Variants in MIPOL1 observed in about 807,000 individuals in gnomAD.
MIPOL1 encodes mirror-image polydactyly 1.
In MIPOL1, 57 loss-of-function variants were observed where a neutral mutation model predicts 60.9. That is an observed-to-expected ratio of 0.94 (90% confidence interval 0.76 to 1.17). The LOEUF is 1.17. MIPOL1 is among the 50% of genes most tolerant of loss of function. The pLI, the probability that MIPOL1 is intolerant of heterozygous loss-of-function variation, is 0.00. For synonymous variants in MIPOL1, 179 were observed against 168.8 expected (o/e 1.06, Z -0.47); for missense variants, 551 against 511.6 (o/e 1.08, Z -0.74).
chr14:37,492,868 G>A (rs1447260551), intron 11 of MIPOL1, among the ~76,000 whole-genome samples: 1 of 151,166 alleles, frequency 6.6e-6, no homozygotes, highest in Admixed American at 6.6e-5. Context: ...CACCCTCCCC[G>A]CCACCCCCAC....
Position 37,422,847 on chromosome 14 carries a change from A to T in MIPOL1, c.937-8A>T. 6.4e-7 allele frequency: 1 copy of T among 1,573,168 alleles called. No homozygotes were observed. Among genetic ancestry groups the T allele is most frequent in the Non-Finnish European group, 8.7e-7 (1 of 1,151,532 alleles). On this transcript the variant is annotated splice_region_variant and splice_polypyrimidine_tract_variant and intron_variant, in intron 10 of 12. Transcript: ENST00000684589. ...TACTGAATTTCTTAAAATATTAATT[A>T]CTTTTAGGCAAAGTTGTTATCTATG...
chr14:37,350,223 T>C (rs1229790671), intron 9 of MIPOL1, among the ~76,000 whole-genome samples: 1 of 152,070 alleles, frequency 6.6e-6, no homozygotes, highest in East Asian at 1.9e-4. Flanking sequence ...AGGTGAAAGA[T>C]TCCATGCCTG....
chr14:37,528,065 A>T (rs748077892), intron 12 of MIPOL1, among the ~76,000 whole-genome samples: 2 of 152,060 alleles, frequency 1.3e-5, no homozygotes, highest in South Asian at 4.1e-4. Context: ...AAATATTAAT[A>T]TCTTTTTGAT....
At chr14:37,303,388 A>G (rs542794534) in intron 7 of MIPOL1, among the ~76,000 whole-genome samples, 6 of 151,980 alleles carry the variant, frequency 3.9e-5, no homozygotes, top group African/African-American at 1.2e-4. Flanking sequence ...CAGTGTTACA[A>G]CCATCTGCCT....
At chr14:37,363,437 G>A (rs2092356428) in intron 9 of MIPOL1, among the ~76,000 whole-genome samples, 1 of 152,222 alleles carries the variant, frequency 6.6e-6, no homozygotes, top group African/African-American at 2.4e-5. Context: ...CGTATCACCA[G>A]TGGAGGCTGC....
At chr14:37,394,057 CATATATATATATATATATAT>C (rs56361320) in intron 10 of MIPOL1, among the ~76,000 whole-genome samples, 1 of 73,310 alleles carries the variant, frequency 1.4e-5, no homozygotes, top group Non-Finnish European at 2.7e-5. Context: ...TTAGTAGTGG[CATATATATATATATATATAT>C]ATATATATCT....
intron 12 of MIPOL1, chr14:37,505,305 A>C (rs1007241754): frequency 6.6e-6 from 1 of 152,198 alleles, no homozygotes; most frequent in East Asian, 1.9e-4. Context: ...ACAACAAAAA[A>C]GATAATTTTA....
chr14:37,308,011 TA>T, intron 7 of MIPOL1, 44 bp from the exon 8 acceptor site: 2 of 1,565,454 alleles, frequency 1.3e-6, no homozygotes, highest in Non-Finnish European at 8.7e-7. Context: ...TTTGCTGCAC[TA>T]AGGAAATGCT....
chr14:37,256,929 A>G (rs1272218641), intron 3 of MIPOL1, among the ~76,000 whole-genome samples: 2 of 151,998 alleles, frequency 1.3e-5, no homozygotes, highest in African/African-American at 4.8e-5. Context: ...CAAGTACTTA[A>G]TGCTTTTTTG....
At chr14:37,511,196 T>A (rs1288213969) in intron 12 of MIPOL1, among the ~76,000 whole-genome samples, 1 of 152,170 alleles carries the variant, frequency 6.6e-6, no homozygotes, top group Non-Finnish European at 1.5e-5. Flanking sequence ...TATCATCACT[T>A]ATAGGGAAAA....
chr14:37,420,867 T>C lies in MIPOL1; in HGVS notation c.937-1988T>C, dbSNP rs79792842. On this transcript the variant is annotated intron_variant, in intron 10 of 12. Transcript: ENST00000684589. The stretch of plus-strand genomic sequence containing the variant: ...CCACAGAGACTGAACAAGATCACTG[T>C]AGCATAGGATAAGGGTATTTCTGAA... Among the ~76,000 whole-genome samples, 452 of 152,234 alleles carry C rather than the reference T, an allele frequency of 3.0e-3. 5 individuals carry two copies. Among genetic ancestry groups the C allele is most frequent in the East Asian group, 0.028 (143 of 5,172 alleles).
intron 1 of MIPOL1, among the ~76,000 whole-genome samples, chr14:37,238,794 A>T (rs1213039569): frequency 6.6e-6 from 1 of 151,586 alleles, no homozygotes; most frequent in South Asian, 2.1e-4. Context: ...TACAAAAAAA[A>T]AAAAAAAAAA....
intron 4 of MIPOL1, among the ~76,000 whole-genome samples, chr14:37,267,413 G>A (rs2082961909): frequency 6.6e-6 from 1 of 152,028 alleles, no homozygotes; most frequent in Admixed American, 6.6e-5. Context: ...GCTTGAACCT[G>A]GGAGGCGGAG....
At chr14:37,485,948 G>A (rs1382997281) in intron 11 of MIPOL1, among the ~76,000 whole-genome samples, 2 of 152,092 alleles carry the variant, frequency 1.3e-5, no homozygotes, top group South Asian at 2.1e-4. Context: ...TTTCTTCTAG[G>A]GTTTTTATGG....
intron 11 of MIPOL1, among the ~76,000 whole-genome samples, chr14:37,434,805 C>T (rs564817131): frequency 1.3e-5 from 2 of 150,078 alleles, no homozygotes; most frequent in African/African-American, 4.9e-5. Flanking sequence ...TTATAGAGGC[C>T]GTCTGTTGTG....
At chr14:37,524,751 G>T (rs1032599779) in intron 12 of MIPOL1, among the ~76,000 whole-genome samples, 1 of 151,100 alleles carries the variant, frequency 6.6e-6, no homozygotes, top group African/African-American at 2.4e-5. Flanking sequence ...TGTATTTTTA[G>T]TAGAGACGGG....
At chr14:37,233,879 T>TA (rs1971020287) in intron 1 of MIPOL1, among the ~76,000 whole-genome samples, 1 of 152,208 alleles carries the variant, frequency 6.6e-6, no homozygotes, top group Non-Finnish European at 1.5e-5. Flanking sequence ...TCGAACATCT[T>TA]AAAAAACTGT....
chr14:37,247,410 T>C (rs147971323), intron 2 of MIPOL1, among the ~76,000 whole-genome samples, 170 bp downstream of exon 2: 2,370 of 152,078 alleles, frequency 0.016, 54 homozygotes, highest in African/African-American at 0.054. Context: ...CTTTTATAAG[T>C]AAAATTTATT....
intron 11 of MIPOL1, among the ~76,000 whole-genome samples, chr14:37,448,214 A>G (rs1341741056): frequency 6.6e-6 from 1 of 152,190 alleles, no homozygotes; most frequent in Non-Finnish European, 1.5e-5. Flanking sequence ...TAACCCTTCA[A>G]TACCTGCCAA....
Sources: allele counts gnomAD v4.1 joint callset (sites outside exome capture counted in the v4.1 genomes callset), GRCh38; gene constraint gnomAD v4.1.1; transcripts MANE v1.5; gene names NCBI Gene and HGNC (gene_info 2026-07-23, HGNC 2026-07-21).